Variants in APP observed in about 807,000 individuals in gnomAD.
APP encodes the protein amyloid beta precursor protein.
A neutral mutation model predicts 101.4 loss-of-function variants in APP; 31 were observed. That is an observed-to-expected ratio of 0.31 (90% CI 0.23 to 0.41). APP has a LOEUF of 0.41. APP is among the 10% of genes least tolerant of loss of function. The pLI is 1.00. For synonymous variants in APP, 366 were observed against 364.4 expected (o/e 1.00, Z -0.05); for missense variants, 839 against 1,003.7 (o/e 0.84, Z 2.22).
At chr21:25,945,984 A>G in intron 13 of APP, 1 of 446,362 alleles carries the variant, frequency 2.2e-6, no homozygotes, top group Non-Finnish European at 4.5e-6. Context: ...ACCTGGCAAG[A>G]ATAGTCTTTT....
Position 26,089,992 on chromosome 21 carries a change from G to A in APP, c.306C>T (p.Arg102=). Residue 102 remains arginine, a synonymous_variant, in exon 3 of 18, where the codon CGC becomes CGT. Transcript: ENST00000346798. ...AGTGGGGATGGGTCTTGCACTGCTT[G>A]CGGCCCCGCTTGCACCAGTTCTGGA... is the stretch of plus-strand genomic sequence containing the variant. The part of the protein sequence containing the change: ...VTIQNWCKRG[R]KQCKTHPHFV... The A allele has an allele frequency of 1.2e-6, 2 of 1,614,224 alleles. No individual in the cohort carries two copies. Among genetic ancestry groups the A allele is most frequent in the Non-Finnish European group, 1.7e-6 (2 of 1,180,036 alleles).
rs561361289 is a variant in APP at position 26,061,308 on chromosome 21, G to A, written c.356-7960C>T. Among the ~76,000 whole-genome samples the A allele has an allele frequency of 2.6e-5, 4 of 151,788 alleles. No homozygotes were observed. In the South Asian group the frequency reaches 6.3e-4, roughly 24 times the overall value. On this transcript the variant is annotated intron_variant, in intron 3 of 17. Coordinates refer to ENST00000346798, the MANE Select transcript of APP (RefSeq NM_000484.4). ...ATGTGTAGACAGGTAGAACTTTTGA[G>A]AATTATGTACTTACTAACTTGTATA...
intron 17 of APP, among the ~76,000 whole-genome samples, chr21:25,889,975 GA>G (rs1480455306): frequency 3.3e-5 from 5 of 152,246 alleles, no homozygotes; most frequent in Admixed American, 1.3e-4. Context: ...CTCAAATATG[GA>G]ATTAAATTTT....
intron 6 of APP, among the ~76,000 whole-genome samples, chr21:26,002,594 T>C (rs1373596446): frequency 6.6e-6 from 1 of 152,230 alleles, no homozygotes; most frequent in Non-Finnish European, 1.5e-5. Context: ...CCAATAAGAC[T>C]GCAAGGCAGC....
intron 3 of APP, among the ~76,000 whole-genome samples, chr21:26,060,616 A>T (rs1458397091): frequency 6.6e-6 from 1 of 152,210 alleles, no homozygotes; most frequent in African/African-American, 2.4e-5. Flanking sequence ...TAAAGCAGAG[A>T]AAGGGGTGGT....
intron 3 of APP, among the ~76,000 whole-genome samples, chr21:26,075,205 T>C (rs1185350824): frequency 6.6e-6 from 1 of 152,238 alleles, no homozygotes; most frequent in African/African-American, 2.4e-5. Flanking sequence ...ATATGTACTA[T>C]GTACCAGACA....
chr21:26,134,852 C>A (rs1225456473), intron 1 of APP, among the ~76,000 whole-genome samples: 1 of 152,152 alleles, frequency 6.6e-6, no homozygotes, highest in African/African-American at 2.4e-5. Context: ...GAAACATATA[C>A]ATCAGGAAGA....
chr21:26,156,409 T>G (rs2063376632), intron 1 of APP, among the ~76,000 whole-genome samples: 2 of 152,346 alleles, frequency 1.3e-5, no homozygotes, highest in South Asian at 4.1e-4. Flanking sequence ...AATAAAATAT[T>G]AATAAGATTC....
chr21:26,159,604 G>A (rs906483817), intron 1 of APP, among the ~76,000 whole-genome samples: 8 of 152,162 alleles, frequency 5.3e-5, no homozygotes, highest in African/African-American at 1.4e-4. Context: ...ATGAGCAAAC[G>A]AGCAATGAAG....
In APP at chr21:25,975,945, A is replaced by C. The variant is rs114675472; in HGVS notation, c.1299+9T>G. On this transcript the variant is annotated intron_variant, in intron 10 of 17. Transcript: ENST00000346798. ...GTGATGTTTGGTAGGAAATGGGTTC[A>C]GGTTTTACCTGGATAACTGCCTTCT... 6.2e-7 allele frequency: 1 copy of C among 1,612,122 alleles called. No homozygotes were observed. The highest frequency in any genetic ancestry group is 2.2e-5 in the East Asian group (1 of 44,816).
intron 6 of APP, 81 bp downstream of exon 6, chr21:26,021,759 G>A (rs190936092): frequency 1.3e-6 from 2 of 1,565,616 alleles, no homozygotes; most frequent in Admixed American, 1.7e-5. Context: ...AGGCAGTGGT[G>A]CTAGGGTGGA....
intron 17 of APP, among the ~76,000 whole-genome samples, chr21:25,885,413 T>C (rs943645210): frequency 6.6e-6 from 1 of 152,240 alleles, no homozygotes; most frequent in Non-Finnish European, 1.5e-5. Context: ...CAGGGAGGGT[T>C]TGAGCCCATG....
At chr21:25,973,301 G>A (rs1189498517) in intron 11 of APP, among the ~76,000 whole-genome samples, 3 of 152,044 alleles carry the variant, frequency 2.0e-5, no homozygotes, top group Non-Finnish European at 2.9e-5. Flanking sequence ...AAAGGAAAAC[G>A]CAAGACCCAA....
At chr21:26,146,549 A>T (rs1385553785) in intron 1 of APP, among the ~76,000 whole-genome samples, 1 of 152,166 alleles carries the variant, frequency 6.6e-6, no homozygotes, top group Non-Finnish European at 1.5e-5. Context: ...TTAGACATCC[A>T]CACTGAAATA....
In APP at chr21:26,035,494, C is replaced by T. The variant is rs543896567; in HGVS notation, c.663-13452G>A. 1.2e-3 allele frequency among the ~76,000 whole-genome samples: 185 copies of T among 152,176 alleles called. 1 individual carries two copies. Among genetic ancestry groups the T allele is most frequent in the African/African-American group, 4.3e-3 (177 of 41,492 alleles). ...AGGAGCTGGGTCAAATACACTAATACCTGTAAGGAATGTAGGAGGTCAAAC... is the reference window on the plus strand; with the variant it reads ...AGGAGCTGGGTCAAATACACTAATATCTGTAAGGAATGTAGGAGGTCAAAC... On this transcript the variant is annotated intron_variant, in intron 5 of 17. Coordinates refer to ENST00000346798, the MANE Select transcript of APP (RefSeq NM_000484.4).
chr21:25,901,473 C>T (rs1203471428), intron 15 of APP, among the ~76,000 whole-genome samples: 2 of 151,970 alleles, frequency 1.3e-5, no homozygotes, highest in East Asian at 3.9e-4. Context: ...TTGAGAAGCT[C>T]TTGGCAGAAG....
intron 1 of APP, among the ~76,000 whole-genome samples, chr21:26,119,024 CCTA>C (rs1159622242): frequency 6.6e-6 from 1 of 152,112 alleles, no homozygotes; most frequent in Non-Finnish European, 1.5e-5. Flanking sequence ...AAATCAAAGA[CCTA>C]CTAAGGCCTT....
At chr21:25,920,163 AG>A (rs1342142577) in intron 13 of APP, among the ~76,000 whole-genome samples, 1 of 150,448 alleles carries the variant, frequency 6.6e-6, no homozygotes, top group African/African-American at 2.5e-5. Context: ...AATACTTTAC[AG>A]ACAAGCAAAT....
At chr21:25,885,680 T>C (rs970004402) in intron 17 of APP, among the ~76,000 whole-genome samples, 4 of 152,166 alleles carry the variant, frequency 2.6e-5, no homozygotes, top group African/African-American at 9.7e-5. Flanking sequence ...GGCTGCTGCC[T>C]ATGACACACG....
Sources: allele counts gnomAD v4.1 joint callset (sites outside exome capture counted in the v4.1 genomes callset), GRCh38; gene constraint gnomAD v4.1.1; transcripts MANE v1.5; gene names NCBI Gene and HGNC (gene_info 2026-07-23, HGNC 2026-07-21).